ARHGEF4: variants seen among roughly 807,000 people sequenced by gnomAD.
ARHGEF4 encodes the protein APC-stimulated guanine nucleotide exchange factor 1.
A neutral mutation model predicts 162.0 loss-of-function variants in ARHGEF4; 119 were observed. That is an observed-to-expected ratio of 0.73 (90% CI 0.63 to 0.86). The LOEUF is 0.86. Among genes scored for constraint, ARHGEF4 ranks in the 40% least tolerant of loss-of-function variants. The pLI, the probability that ARHGEF4 is intolerant of heterozygous loss-of-function variation, is 0.00. For missense variants in ARHGEF4, 2,488 were observed against 2,456.0 expected (o/e 1.01, Z -0.28); for synonymous variants, 1,014 against 979.9 (o/e 1.03, Z -0.65).
chr2:131,044,445 C>T lies in ARHGEF4; in HGVS notation c.5304C>T (p.Asp1768=), dbSNP rs1418509710. ...GGCTGCACCGTGGCGCCACAGGGGA[C>T]AGCCACCTGCTGTGCACCAGGAAGC... ...AFRLHRGATG[D]SHLLCTRKPE... is the part of the protein sequence containing the mutation. Residue 1768 remains aspartate, a synonymous_variant, in exon 12 of 14, where the codon GAC becomes GAT. Coordinates refer to ENST00000409359, the MANE Select transcript of ARHGEF4 (RefSeq NM_001367493.1). The T allele has an allele frequency of 1.3e-6, 2 of 1,559,232 alleles. No homozygotes were observed. The highest frequency in any genetic ancestry group is 1.9e-5 in the Admixed American group (1 of 52,190).
intron 4 of ARHGEF4, among the ~76,000 whole-genome samples, chr2:131,023,082 A>C (rs1689245236): frequency 1.3e-5 from 2 of 149,472 alleles, no homozygotes; most frequent in South Asian, 2.1e-4. Flanking sequence ...CTCAAAAAAA[A>C]AAAAAAAAAA....
At chr2:131,043,872 C>T (rs547588402) in intron 11 of ARHGEF4, among the ~76,000 whole-genome samples, 1 of 152,272 alleles carries the variant, frequency 6.6e-6, no homozygotes, top group African/African-American at 2.4e-5. Context: ...TGCAAACCTC[C>T]ACATCCCCTC....
intron 4 of ARHGEF4, among the ~76,000 whole-genome samples, chr2:130,963,071 A>T (rs2105194405): frequency 6.6e-6 from 1 of 152,242 alleles, no homozygotes; most frequent in Non-Finnish European, 1.5e-5. Flanking sequence ...TACCTCGCAC[A>T]CACACTCCGA....
chr2:130,853,581 A>T (rs1455918471), intron 1 of ARHGEF4, among the ~76,000 whole-genome samples: 1 of 152,142 alleles, frequency 6.6e-6, no homozygotes, highest in African/African-American at 2.4e-5. Flanking sequence ...CCTGGGGATG[A>T]GCTGCTGAGC....
At chr2:130,974,053 T>C (rs1409804106) in intron 4 of ARHGEF4, among the ~76,000 whole-genome samples, 1 of 151,686 alleles carries the variant, frequency 6.6e-6, no homozygotes, top group Non-Finnish European at 1.5e-5. Context: ...ACAGATCCCT[T>C]GAGTTCAGGA....
chr2:131,025,139 A>C (rs941840838), intron 4 of ARHGEF4, among the ~76,000 whole-genome samples: 16 of 152,330 alleles, frequency 1.1e-4, no homozygotes, highest in African/African-American at 3.9e-4. Flanking sequence ...CACAGGCTTC[A>C]CAGGACGCAT....
In ARHGEF4 at chr2:130,926,048, C is replaced by CTTTCTTTCTCTT; in HGVS notation, c.3553-4903_3553-4902insTTCTTTCTCTTT. 3.6e-3 allele frequency among the ~76,000 whole-genome samples: 194 copies of CTTTCTTTCTCTT among 53,422 alleles called. 2 individuals are homozygous for CTTTCTTTCTCTT. The highest frequency in any genetic ancestry group is 0.019 in the Middle Eastern group (2 of 104). The allele number at this position is 53,422 out of a possible 152,430, so 35.0% of individuals were successfully genotyped here. ...TCTTTCTTTCTTTCTTTCTTTCTTT[C>CTTTCTTTCTCTT]TCTTTCTTTCTTTCTTTCTTTCTTT... On this transcript the variant is annotated intron_variant, in intron 2 of 13. Transcript: ENST00000409359.
chr2:130,905,214 A>G (rs1424264965), intron 1 of ARHGEF4, among the ~76,000 whole-genome samples: 1 of 152,248 alleles, frequency 6.6e-6, no homozygotes, highest in East Asian at 1.9e-4. Flanking sequence ...AGTAGCCCTT[A>G]TAAATTAAGT....
chr2:130,998,116 T>C (rs1687522732), intron 4 of ARHGEF4, among the ~76,000 whole-genome samples: 1 of 152,244 alleles, frequency 6.6e-6, no homozygotes, highest in Admixed American at 6.5e-5. Context: ...TGATGCCCAC[T>C]TCTACATGCA....
Position 131,045,870 on chromosome 2 carries a change from G to C in ARHGEF4, c.5480-168G>C, listed in dbSNP as rs1315348921. ...CCAGGCCAGAGACCCCAGGCAGCCT[G>C]AGCTCTTGGATGTGGTCAGCTCTCC... On this transcript the variant is annotated intron_variant, in intron 13 of 13. Coordinates refer to ENST00000409359, the MANE Select transcript of ARHGEF4 (RefSeq NM_001367493.1). The C allele has an allele frequency of 4.0e-6, 6 of 1,483,272 alleles. No homozygotes were observed. In the African/African-American group the frequency reaches 7.0e-5, roughly 17 times the overall value. 91.9% of individuals were successfully genotyped at this position (1,483,272 alleles called of 1,614,324 possible). A position where few individuals can be genotyped will look rare whatever the true frequency, so the allele number is the denominator to read the frequency against.
chr2:130,963,244 G>C (rs1353991415), intron 4 of ARHGEF4, among the ~76,000 whole-genome samples: 3 of 152,130 alleles, frequency 2.0e-5, no homozygotes, highest in African/African-American at 7.2e-5. Context: ...GGTGTGTCCT[G>C]CCCGGGCTGT....
intron 4 of ARHGEF4, chr2:130,964,024 C>T (rs1297538192): frequency 2.9e-5 from 10 of 342,686 alleles, no homozygotes; most frequent in Non-Finnish European, 3.7e-5. Context: ...GAGCCTGTGG[C>T]TGGAGCTCGG....
In ARHGEF4 at chr2:131,006,259, C is replaced by T. The variant is rs187357624; in HGVS notation, c.3986-21686C>T. Among the ~76,000 whole-genome samples, 87 of 152,346 alleles carry T rather than the reference C, an allele frequency of 5.7e-4. 1 individual carries two copies. The highest frequency in any genetic ancestry group is 7.9e-4 in the Non-Finnish European group (54 of 68,028). On this transcript the variant is annotated intron_variant, in intron 4 of 13. Coordinates refer to ENST00000409359, the MANE Select transcript of ARHGEF4 (RefSeq NM_001367493.1). ...CCAGAAAGGGACACAGCCGCGATGA[C>T]ACCTTAATTTAGGCTCTCTGTGACT...
At chr2:130,918,968 T>C (rs1681702578) in intron 2 of ARHGEF4, among the ~76,000 whole-genome samples, 1 of 152,234 alleles carries the variant, frequency 6.6e-6, no homozygotes, top group African/African-American at 2.4e-5. Flanking sequence ...CACTGCCCTA[T>C]ACTAAGGTGT....
intron 5 of ARHGEF4, among the ~76,000 whole-genome samples, chr2:131,029,925 G>A (rs953819788): frequency 1.3e-5 from 2 of 152,230 alleles, no homozygotes; most frequent in African/African-American, 2.4e-5. Context: ...GGGACCCCGA[G>A]GGGGCCTGTC....
chr2:131,041,705 A>G (rs1690822649), intron 9 of ARHGEF4, 110 bp from the exon 10 acceptor site: 1 of 1,461,868 alleles, frequency 6.8e-7, no homozygotes, highest in African/African-American at 1.4e-5. Flanking sequence ...GGATGTGGTC[A>G]AAGGGCACAG....
At chr2:130,852,347 C>T (rs911703503) in intron 1 of ARHGEF4, among the ~76,000 whole-genome samples, 3 of 152,118 alleles carry the variant, frequency 2.0e-5, no homozygotes, top group African/African-American at 7.2e-5. Flanking sequence ...CTTGGGGAGC[C>T]GAGAGGATGG....
intron 4 of ARHGEF4, among the ~76,000 whole-genome samples, chr2:130,968,726 C>T (rs145423300): frequency 0.014 from 2,097 of 152,062 alleles, 57 homozygotes; most frequent in African/African-American, 0.048. Context: ...GAGACCAGCC[C>T]GGCCAAAATA....
chr2:130,952,954 C>G (rs1249655633), intron 4 of ARHGEF4, among the ~76,000 whole-genome samples: 1 of 152,048 alleles, frequency 6.6e-6, no homozygotes, highest in Non-Finnish European at 1.5e-5. Flanking sequence ...TAGGAAGAAT[C>G]AATATCATGA....
Sources: allele counts gnomAD v4.1 joint callset (sites outside exome capture counted in the v4.1 genomes callset), GRCh38; gene constraint gnomAD v4.1.1; transcripts MANE v1.5; gene names NCBI Gene and HGNC (gene_info 2026-07-23, HGNC 2026-07-21).